The following IMMP2L variants were observed in gnomAD, a reference collection of about 807,000 sequenced individuals.
The protein encoded by IMMP2L is mitochondrial inner membrane protease subunit 2.
A neutral mutation model predicts 19.3 loss-of-function variants in IMMP2L; 18 were observed. The observed-to-expected ratio is 0.93, with a 90% confidence interval of 0.64 to 1.38. The LOEUF (loss-of-function observed/expected upper bound fraction) is 1.38. Ranked by LOEUF, IMMP2L falls within the 40% of genes most tolerant of loss-of-function variation. The probability of loss-of-function intolerance (pLI) is 0.00; values close to 1 mark genes in which losing one functional copy is unlikely to be tolerated. For synonymous variants in IMMP2L, 76 were observed against 73.0 expected (o/e 1.04, Z -0.21); for missense variants, 233 against 218.2 (o/e 1.07, Z -0.43).
chr7:111,378,915 A>T (rs1229850263), intron 3 of IMMP2L, among the ~76,000 whole-genome samples: 2 of 151,902 alleles, frequency 1.3e-5, no homozygotes, highest in Non-Finnish European at 2.9e-5. Context: ...GGGTGTAGTT[A>T]TTCTGCATGA....
intron 3 of IMMP2L, among the ~76,000 whole-genome samples, chr7:111,176,633 G>A (rs1031978511): frequency 1.3e-5 from 2 of 152,050 alleles, no homozygotes; most frequent in Non-Finnish European, 2.9e-5. Context: ...GAAGGGTAAT[G>A]GAAGCTGTGA....
chr7:110,813,988 A>G (rs1472882206), intron 5 of IMMP2L, among the ~76,000 whole-genome samples: 1 of 152,026 alleles, frequency 6.6e-6, no homozygotes, highest in African/African-American at 2.4e-5. Flanking sequence ...TTAATTCAGA[A>G]CACAGGCTAT....
At chr7:111,235,134 T>G (rs993600063) in intron 3 of IMMP2L, among the ~76,000 whole-genome samples, 1 of 152,142 alleles carries the variant, frequency 6.6e-6, no homozygotes, top group African/African-American at 2.4e-5. Flanking sequence ...AACAAGTTTT[T>G]ATTTCATCTT....
intron 3 of IMMP2L, among the ~76,000 whole-genome samples, chr7:111,126,595 T>C (rs1801335750): frequency 6.6e-6 from 1 of 152,146 alleles, no homozygotes. Context: ...AATCATTGAA[T>C]TGAAGTGCCA....
chr7:110,937,178 G>A (rs1470846127), intron 4 of IMMP2L, among the ~76,000 whole-genome samples: 3 of 152,096 alleles, frequency 2.0e-5, no homozygotes, highest in East Asian at 3.9e-4. Flanking sequence ...TTCTGCACAC[G>A]TATCCTAGAA....
intron 5 of IMMP2L, among the ~76,000 whole-genome samples, chr7:110,850,527 T>G (rs979900141): frequency 6.6e-6 from 1 of 152,132 alleles, no homozygotes; most frequent in Non-Finnish European, 1.5e-5. Flanking sequence ...GCACTGCCTA[T>G]GAGTTAGTCC....
At chr7:111,062,993 G>A (rs1794161211) in intron 3 of IMMP2L, among the ~76,000 whole-genome samples, 1 of 152,192 alleles carries the variant, frequency 6.6e-6, no homozygotes, top group East Asian at 1.9e-4. Context: ...GGGGGACAGT[G>A]GCACACTTCT....
At chr7:110,818,760 C>A (rs1390399205) in intron 5 of IMMP2L, among the ~76,000 whole-genome samples, 1 of 151,818 alleles carries the variant, frequency 6.6e-6, no homozygotes, top group African/African-American at 2.4e-5. Context: ...CACATATACA[C>A]CATGGAATAC....
At chr7:111,077,423 T>A (rs998700471) in intron 3 of IMMP2L, among the ~76,000 whole-genome samples, 2 of 152,238 alleles carry the variant, frequency 1.3e-5, no homozygotes, top group African/African-American at 4.8e-5. Flanking sequence ...ATTATCCACA[T>A]AGCAGCACCA....
intron 3 of IMMP2L, among the ~76,000 whole-genome samples, chr7:111,442,052 G>T (rs376934490): frequency 6.6e-6 from 1 of 151,620 alleles, no homozygotes; most frequent in African/African-American, 2.4e-5. Flanking sequence ...CAAGAGAATC[G>T]CTTGAACCCA....
intron 1 of IMMP2L, among the ~76,000 whole-genome samples, chr7:111,555,992 A>G (rs1791250610): frequency 1.3e-5 from 1 of 76,034 alleles, no homozygotes; most frequent in African/African-American, 4.2e-5. Context: ...TTTTGTACCA[A>G]TTAGCCATCC....
chr7:111,518,878 T>C (rs1267487736), intron 2 of IMMP2L, among the ~76,000 whole-genome samples: 1 of 152,126 alleles, frequency 6.6e-6, no homozygotes, highest in African/African-American at 2.4e-5. Context: ...AGCATCCTCT[T>C]TCCTCTAGGA....
rs146070947 is a variant in IMMP2L at position 111,172,453 on chromosome 7, A to G, written c.240-208888T>C. Among the ~76,000 whole-genome samples, 20 of 151,672 alleles carry G rather than the reference A, an allele frequency of 1.3e-4. No individual in the cohort carries two copies. In the East Asian group the frequency reaches 3.9e-3, roughly 30 times the overall value. On this transcript the variant is annotated intron_variant, in intron 3 of 5. Coordinates refer to ENST00000405709, the MANE Select transcript of IMMP2L (RefSeq NM_032549.4). ...CGTGTAATGATCAAACAGGGTATTC[A>G]GCTATCTATCACCTCAAACATTTAC...
At chr7:110,897,190 A>G (rs1244362014) in intron 4 of IMMP2L, among the ~76,000 whole-genome samples, 2 of 152,200 alleles carry the variant, frequency 1.3e-5, no homozygotes, top group African/African-American at 4.8e-5. Context: ...GTATTTTGAA[A>G]TTAAAAATTT....
At chr7:111,142,078 C>T (rs1157802356) in intron 3 of IMMP2L, among the ~76,000 whole-genome samples, 1 of 152,088 alleles carries the variant, frequency 6.6e-6, no homozygotes, top group African/African-American at 2.4e-5. Flanking sequence ...CTAATACCAC[C>T]ACTTTAGGAG....
At chr7:110,814,276 G>A (rs1479209001) in intron 5 of IMMP2L, among the ~76,000 whole-genome samples, 2 of 151,784 alleles carry the variant, frequency 1.3e-5, no homozygotes, top group Non-Finnish European at 2.9e-5. Flanking sequence ...TTTTAAGGTA[G>A]CAAAATCATT....
chr7:111,022,807 C>T (rs1261777512), intron 3 of IMMP2L, among the ~76,000 whole-genome samples: 2 of 152,206 alleles, frequency 1.3e-5, no homozygotes, highest in African/African-American at 2.4e-5. Context: ...GCATAACAGA[C>T]GTTACATGGC....
At chr7:111,492,455 A>G (rs1248835381) in intron 2 of IMMP2L, 1 of 877,922 alleles carries the variant, frequency 1.1e-6, no homozygotes, top group Non-Finnish European at 1.4e-6. Context: ...TTTTTTCCCC[A>G]CTTGGAAACT....
intron 4 of IMMP2L, among the ~76,000 whole-genome samples, chr7:110,930,310 C>A (rs1337110802): frequency 6.9e-6 from 1 of 145,640 alleles, no homozygotes; most frequent in Non-Finnish European, 1.5e-5. Context: ...GTAAACCTTT[C>A]ATTAACATGT....
Sources: allele counts gnomAD v4.1 joint callset (sites outside exome capture counted in the v4.1 genomes callset), GRCh38; gene constraint gnomAD v4.1.1; transcripts MANE v1.5; gene names NCBI Gene and HGNC (gene_info 2026-07-23, HGNC 2026-07-21).